CLDN14: variants seen among roughly 807,000 people sequenced by gnomAD.
CLDN14 encodes the protein claudin-14.
A neutral mutation model predicts 2.1 loss-of-function variants in CLDN14; 2 were observed. That is an observed-to-expected ratio of 0.96 (90% CI 0.39 to 3.01). The LOEUF (loss-of-function observed/expected upper bound fraction) is 3.01, where lower values mean the gene tolerates loss of function less well. Ranked by LOEUF, CLDN14 falls within the 30% of genes most tolerant of loss-of-function variation. The pLI is 0.09. For missense variants in CLDN14, 298 were observed against 328.0 expected (o/e 0.91, Z 0.71); for synonymous variants, 136 against 154.4 (o/e 0.88, Z 0.88).
Position 36,460,641 on chromosome 21 carries a change from G to A in CLDN14, c.*335C>T, listed in dbSNP as rs185515617. On this transcript the variant is annotated 3_prime_UTR_variant, in exon 2 of 2. Coordinates refer to ENST00000399135, the MANE Select transcript of CLDN14 (RefSeq NM_001146079.2). This position sits in a 1 kb window ranked among gnomAD's most constrained non-coding sequence, Gnocchi z 4.0. ...GTCCATTTCATAAACAGCCACATCC[G>A]CAAGGTTTATTCCTGGATCACAAAC... The A allele has an allele frequency of 2.5e-5, 7 of 275,676 alleles. No homozygotes were observed. The highest frequency in any genetic ancestry group is 1.5e-4 in the Admixed American group (3 of 20,550). The allele number at this position is 275,676 out of a possible 1,614,324, so 17.1% of individuals were successfully genotyped here.
At chr21:36,570,412 C>T (rs1334260472) in intron 1 of CLDN14, among the ~76,000 whole-genome samples, 2 of 152,140 alleles carry the variant, frequency 1.3e-5, no homozygotes, top group Non-Finnish European at 2.9e-5. Flanking sequence ...CCCATCATGA[C>T]CTGAACTAGT....
At chr21:36,470,416 G>A (rs2086697010) in intron 1 of CLDN14, among the ~76,000 whole-genome samples, 1 of 152,194 alleles carries the variant, frequency 6.6e-6, no homozygotes, top group Admixed American at 6.5e-5. Flanking sequence ...AAGTTACCAA[G>A]TCAAGGAATG....
intron 1 of CLDN14, among the ~76,000 whole-genome samples, chr21:36,561,148 C>T (rs1486995498): frequency 2.0e-5 from 3 of 152,156 alleles, no homozygotes; most frequent in Non-Finnish European, 4.4e-5. Context: ...TCCTCAGACC[C>T]ACTCTGAGTG....
intron 1 of CLDN14, among the ~76,000 whole-genome samples, chr21:36,467,089 C>T (rs1285161391): frequency 2.6e-5 from 4 of 152,186 alleles, no homozygotes; most frequent in Non-Finnish European, 5.9e-5. Context: ...CTGCTATAGG[C>T]CCTTCCAACT....
chr21:36,483,474 T>C (rs1026697539), upstream of CLDN14, among the ~76,000 whole-genome samples: 3 of 152,222 alleles, frequency 2.0e-5, no homozygotes, highest in Admixed American at 2.0e-4. Context: ...TCACAGGGTC[T>C]GTGTCCAGTG....
intron 1 of CLDN14, among the ~76,000 whole-genome samples, chr21:36,576,096 G>A (rs2087739587): frequency 6.6e-6 from 1 of 152,180 alleles, no homozygotes; most frequent in Non-Finnish European, 1.5e-5. Flanking sequence ...ACAAAGTGAG[G>A]TAAGAATAGA....
rs140268277 is a variant in CLDN14, at chr21:36,549,018, A to C, written c.-220+27393T>G. On this transcript the variant is annotated intron_variant, in intron 1 of 2. Transcript: ENST00000342108. Reference sequence around the variant, plus strand: ...GGCTGTGAGCTCCCTGAGGGTAAGGACTGTGGAATATTTTTTCTTAATACT... The same window carrying C: ...GGCTGTGAGCTCCCTGAGGGTAAGGCCTGTGGAATATTTTTTCTTAATACT... 2.6e-5 allele frequency among the ~76,000 whole-genome samples: 4 copies of C among 152,250 alleles called. No individual in the cohort carries two copies. In the East Asian group the frequency reaches 7.7e-4, roughly 29 times the overall value.
Position 36,564,324 on chromosome 21 carries a change from T to A in CLDN14, c.-220+12087A>T, listed in dbSNP as rs189031711. Among the ~76,000 whole-genome samples the A allele has an allele frequency of 2.5e-3, 384 of 152,364 alleles. 5 individuals carry two copies. Among genetic ancestry groups the A allele is most frequent in the Admixed American group, 0.022 (344 of 15,310 alleles). The stretch of plus-strand genomic sequence containing the variant: ...CAAGGGTGTAGGCACCAGAGAAAAC[T>A]ACCAGCTATCGCTAAGCCAACAAAA... On this transcript the variant is annotated intron_variant, in intron 1 of 2. Transcript: ENST00000342108.
rs2087077634 is a variant in CLDN14 at position 36,499,886 on chromosome 21, G to A, written c.-82+10477C>T. ...TTTTCACAACATCAGGGGGCTGGTG[G>A]AGAAAATCGGGGGGTCTCCGGAGCA... On this transcript the variant is annotated intron_variant, in intron 2 of 2. Coordinates refer to the CLDN14 transcript ENST00000342108. The surrounding 1 kb of genome is among the most constrained non-coding windows in gnomAD (Gnocchi z 4.7). 6.6e-6 allele frequency among the ~76,000 whole-genome samples: 1 copy of A among 151,960 alleles called. No individual in the cohort carries two copies. The highest frequency in any genetic ancestry group is 1.5e-5 in the Non-Finnish European group (1 of 68,014).
rs994690985 is a variant in CLDN14 at position 36,479,606 on chromosome 21, C to T, written c.-193G>A. On this transcript the variant is annotated 5_prime_UTR_variant, in exon 1 of 2. Transcript: ENST00000399135. ...TGTGCAAGAGGACTCAGCCGGGACG[C>T]TGCCACCCTCCTGCCTTCCCTCTTC... 3.3e-5 allele frequency: 5 copies of T among 152,298 alleles called. No individual in the cohort carries two copies. In the East Asian group the frequency reaches 7.7e-4, roughly 23 times the overall value. 9.4% of individuals were successfully genotyped at this position (152,298 alleles called of 1,614,324 possible). A position where few individuals can be genotyped will look rare whatever the true frequency, so the allele number is the denominator to read the frequency against.
Position 36,570,704 on chromosome 21 carries a change from G to A in CLDN14, c.-220+5707C>T, listed in dbSNP as rs74707545. ...AAACTACAAATAATTATTTAATCTG[G>A]TTGGTGAGTACATGAGTGTTTCTCA... On this transcript the variant is annotated intron_variant, in intron 1 of 2. Coordinates refer to the CLDN14 transcript ENST00000342108. 1.5e-3 allele frequency among the ~76,000 whole-genome samples: 221 copies of A among 152,232 alleles called. 1 individual carries two copies. The highest frequency in any genetic ancestry group is 5.0e-3 in the African/African-American group (208 of 41,532).
chr21:36,564,504 C>T (rs1280325967), intron 1 of CLDN14, among the ~76,000 whole-genome samples: 1 of 152,198 alleles, frequency 6.6e-6, no homozygotes, highest in Admixed American at 6.5e-5. Flanking sequence ...ACAGCCTTGG[C>T]TGACACTGAG....
intron 1 of CLDN14, among the ~76,000 whole-genome samples, chr21:36,540,071 TGA>T (rs2087475006): frequency 2.0e-5 from 3 of 149,588 alleles, no homozygotes; most frequent in Admixed American, 6.7e-5. Flanking sequence ...GTGTGTGGAG[TGA>T]GTGTGTGTTG....
chr21:36,573,563 T>C (rs2087723771), intron 1 of CLDN14, among the ~76,000 whole-genome samples: 1 of 152,154 alleles, frequency 6.6e-6, no homozygotes, highest in Non-Finnish European at 1.5e-5. Context: ...CTATAAAACT[T>C]TTAGAAGCAA....
chr21:36,495,110 C>A (rs2087003963), intron 2 of CLDN14, among the ~76,000 whole-genome samples: 1 of 152,138 alleles, frequency 6.6e-6, no homozygotes, highest in Non-Finnish European at 1.5e-5. Context: ...GGTGGATCAC[C>A]TGAAGTCAGG....
chr21:36,557,689 C>T (rs755162133), intron 1 of CLDN14, among the ~76,000 whole-genome samples: 2 of 152,166 alleles, frequency 1.3e-5, no homozygotes, highest in Non-Finnish European at 2.9e-5. Flanking sequence ...GGAGATTACC[C>T]CCATCAGATA....
chr21:36,529,392 G>A (rs140916649), intron 1 of CLDN14, among the ~76,000 whole-genome samples: 2,857 of 152,072 alleles, frequency 0.019, 99 homozygotes, highest in African/African-American at 0.064. Flanking sequence ...GAGTTCAAGC[G>A]ATTCTCCTGC....
At chr21:36,471,124 T>G (rs1201078458) in intron 1 of CLDN14, among the ~76,000 whole-genome samples, 1 of 152,156 alleles carries the variant, frequency 6.6e-6, no homozygotes, top group East Asian at 1.9e-4. Context: ...ATCTCAACAT[T>G]TGGAAGGCCA....
chr21:36,561,378 C>A (rs1438040854), intron 1 of CLDN14, among the ~76,000 whole-genome samples: 1 of 152,200 alleles, frequency 6.6e-6, no homozygotes, highest in East Asian at 1.9e-4. Context: ...CTGTTAGGAC[C>A]AACGGGCTAC....
Sources: allele counts gnomAD v4.1 joint callset (sites outside exome capture counted in the v4.1 genomes callset), GRCh38; gene constraint gnomAD v4.1.1; non-coding constraint Gnocchi (gnomAD v3.1); transcripts MANE v1.5; gene names NCBI Gene and HGNC (gene_info 2026-07-23, HGNC 2026-07-21).